The following PCDH11X variants were observed in gnomAD, a reference collection of about 807,000 sequenced individuals.
PCDH11X encodes protocadherin 11 X-linked.
In PCDH11X, 18 loss-of-function variants were observed where a neutral mutation model predicts 53.3. The observed-to-expected ratio is 0.34, with a 90% confidence interval of 0.23 to 0.50. The LOEUF is 0.50. PCDH11X is among the 20% of genes least tolerant of loss of function. The pLI is 0.98. For missense variants in PCDH11X, 570 were observed against 1,032.4 expected (o/e 0.55, Z 6.14); for synonymous variants, 279 against 393.3 (o/e 0.71, Z 3.44).
At chrX:92,245,380 A>G (rs2067329937) in intron 7 of PCDH11X, among the ~76,000 whole-genome samples, 1 of 112,304 alleles carries the variant, frequency 8.9e-6, no homozygotes, top group African/African-American at 3.2e-5. Context: ...TGCTTATTGT[A>G]TATCTCTGCT....
At chrX:92,276,071 A>G (rs2068082743) in intron 8 of PCDH11X, among the ~76,000 whole-genome samples, 1 of 110,038 alleles carries the variant, frequency 9.1e-6, no homozygotes, top group African/African-American at 3.3e-5. Context: ...GGGGATAACT[A>G]AAAAAGAGTG....
Position 92,075,453 on chromosome X carries a change from C to G in PCDH11X, c.3034-125922C>G, listed in dbSNP as rs2063760213. On this transcript the variant is annotated intron_variant, in intron 6 of 10. Transcript: ENST00000682573. ...TGAGAAACACTGATTTCAGCTATGC[C>G]TACCCTGAGCAAATACCTAGTATGG... Among the ~76,000 whole-genome samples, 3 of 110,031 alleles carry G rather than the reference C, an allele frequency of 2.7e-5. No homozygotes were observed. The South Asian group carries it at 1.2e-3, about 44-fold the overall frequency.
At chrX:92,372,296 C>T (rs1006125971) in intron 8 of PCDH11X, among the ~76,000 whole-genome samples, 8 of 110,967 alleles carry the variant, frequency 7.2e-5, no homozygotes, top group African/African-American at 2.6e-4. Context: ...TAATCTAACC[C>T]TCAATTTTAC....
chrX:92,459,935 T>C, intron 9 of PCDH11X: 1 of 1,181,565 alleles, frequency 8.5e-7, no homozygotes, highest in East Asian at 3.0e-5. Context: ...AACGACCGCC[T>C]GGCCTCTTAC....
intron 8 of PCDH11X, among the ~76,000 whole-genome samples, chrX:92,283,235 G>T (rs763175740): frequency 4.5e-5 from 5 of 111,542 alleles, no homozygotes; most frequent in Non-Finnish European, 9.4e-5. Context: ...CTCAAGTTAT[G>T]CTGTAATGGG....
chrX:91,911,166 C>T (rs1388136794), intron 6 of PCDH11X, among the ~76,000 whole-genome samples: 15 of 110,347 alleles, frequency 1.4e-4, no homozygotes, highest in African/African-American at 4.3e-4. Flanking sequence ...TTATCCAGTC[C>T]GATAAATGTT....
At chrX:92,089,746 C>T (rs1199732803) in intron 6 of PCDH11X, among the ~76,000 whole-genome samples, 1 of 106,859 alleles carries the variant, frequency 9.4e-6, no homozygotes, top group Non-Finnish European at 1.9e-5. Flanking sequence ...TGGTCTCAAA[C>T]TCCTGACCTC....
intron 6 of PCDH11X, among the ~76,000 whole-genome samples, chrX:92,054,717 G>T (rs1434103515): frequency 1.9e-5 from 2 of 108,052 alleles, no homozygotes; most frequent in African/African-American, 6.8e-5. Context: ...CTACTCGGGA[G>T]GCTGAGGCAG....
chrX:91,880,816 G>A (rs1252915737), intron 6 of PCDH11X, among the ~76,000 whole-genome samples: 1 of 110,274 alleles, frequency 9.1e-6, no homozygotes, highest in Non-Finnish European at 1.9e-5. Flanking sequence ...TCCACAGGGT[G>A]TGTTTTTGTT....
intron 10 of PCDH11X, among the ~76,000 whole-genome samples, chrX:92,542,723 C>T (rs756954404): frequency 9.0e-6 from 1 of 110,892 alleles, no homozygotes; most frequent in South Asian, 3.8e-4. Flanking sequence ...GAAATTTTTA[C>T]CTTTAAAAAA....
intron 6 of PCDH11X, among the ~76,000 whole-genome samples, chrX:91,971,248 AAAAG>A (rs1003800528): frequency 2.7e-5 from 3 of 110,689 alleles, no homozygotes; most frequent in African/African-American, 9.9e-5. Context: ...TTACAAAAAA[AAAAG>A]AAGAAACTGA....
rs181638578 is a variant in PCDH11X, at chrX:92,041,955, C to A, written c.3034-159420C>A. The stretch of plus-strand genomic sequence containing the variant: ...CTGCACTCTAGCCTGGGTGACAGAG[C>A]GAGACTCCGTCTCAAAAAAACAAAA... On this transcript the variant is annotated intron_variant, in intron 6 of 10. Transcript: ENST00000682573. 1.7e-4 allele frequency among the ~76,000 whole-genome samples: 19 copies of A among 111,919 alleles called. No individual in the cohort carries two copies. The East Asian group carries it at 4.8e-3, about 28-fold the overall frequency.
Position 92,375,166 on chromosome X carries a change from A to ATTT in PCDH11X, c.3145-12544_3145-12542dup, listed in dbSNP as rs1230279822. 1.2e-3 allele frequency among the ~76,000 whole-genome samples: 10 copies of ATTT among 8,264 alleles called. 1 individual carries two copies. The highest frequency in any genetic ancestry group is 1.5e-3 in the Non-Finnish European group (8 of 5,200). 7.2% of individuals were successfully genotyped at this position (8,264 alleles called of 115,157 possible). On this transcript the variant is annotated intron_variant, in intron 8 of 10. Transcript: ENST00000682573. ...TTTATATATATATATATATATATAT[A>ATTT]TTTTTTTTTTTTTTTTTTTTTTTTT...
At chrX:92,052,427 C>T (rs374534074) in intron 6 of PCDH11X, among the ~76,000 whole-genome samples, 2 of 78,761 alleles carry the variant, frequency 2.5e-5, no homozygotes, top group South Asian at 8.2e-4. Context: ...CATTGATTGA[C>T]TTGCTCTTTT....
intron 9 of PCDH11X, among the ~76,000 whole-genome samples, chrX:92,453,896 T>G (rs1485988828): frequency 9.1e-6 from 1 of 109,686 alleles, no homozygotes; most frequent in Non-Finnish European, 1.9e-5. Flanking sequence ...ATAAATTGAA[T>G]ATATTGTAAA....
intron 4 of PCDH11X, among the ~76,000 whole-genome samples, chrX:91,825,038 A>G (rs954128053): frequency 2.6e-4 from 29 of 110,801 alleles, no homozygotes; most frequent in Non-Finnish European, 2.8e-4. Flanking sequence ...GTGTTCTCAG[A>G]TCTCCAACTG....
chrX:91,938,564 A>G (rs1602527928), intron 6 of PCDH11X, among the ~76,000 whole-genome samples: 1 of 109,720 alleles, frequency 9.1e-6, no homozygotes, highest in African/African-American at 3.3e-5. Flanking sequence ...AATACCCTGG[A>G]GATCAGCACA....
At chrX:92,598,457 T>C (rs767868086) in intron 10 of PCDH11X, among the ~76,000 whole-genome samples, 1 of 109,802 alleles carries the variant, frequency 9.1e-6, no homozygotes, top group African/African-American at 3.4e-5. Context: ...GTGTGCACAA[T>C]ATCATTGATT....
chrX:92,198,244 AG>A (rs1382655924), intron 6 of PCDH11X, among the ~76,000 whole-genome samples: 1 of 103,292 alleles, frequency 9.7e-6, no homozygotes, highest in Non-Finnish European at 2.0e-5. Context: ...AAAAAAAAAA[AG>A]AAAAAAAATA....
Sources: allele counts gnomAD v4.1 joint callset (sites outside exome capture counted in the v4.1 genomes callset), GRCh38; gene constraint gnomAD v4.1.1; transcripts MANE v1.5; gene names NCBI Gene and HGNC (gene_info 2026-07-23, HGNC 2026-07-21).